The following TMEM117 variants were observed in gnomAD, a reference collection of about 807,000 sequenced individuals.
TMEM117 encodes the protein transmembrane protein 117.
TMEM117 carries 27 observed loss-of-function variants against 52.4 expected under a neutral mutation model. The observed-to-expected ratio is 0.51, with a 90% CI of 0.38 to 0.71. The LOEUF (loss-of-function observed/expected upper bound fraction) is 0.71. Ranked by LOEUF, TMEM117 falls within the 30% of genes least tolerant of loss-of-function variation. The pLI, the probability that TMEM117 is intolerant of heterozygous loss-of-function variation, is 0.00. For missense variants in TMEM117, 556 were observed against 630.5 expected (o/e 0.88, Z 1.26); for synonymous variants, 215 against 206.3 (o/e 1.04, Z -0.36).
intron 2 of TMEM117, among the ~76,000 whole-genome samples, chr12:43,874,426 C>A (rs1475835524): frequency 2.2e-4 from 31 of 143,950 alleles, no homozygotes; most frequent in Middle Eastern, 3.6e-3. Flanking sequence ...ACTAAAAGTA[C>A]AAAAAAAAAA....
chr12:44,029,521 C>T (rs368782309), intron 3 of TMEM117, among the ~76,000 whole-genome samples: 58 of 152,246 alleles, frequency 3.8e-4, no homozygotes, highest in South Asian at 1.2e-3. Context: ...AGTGGCTGCC[C>T]GAACTTTTCA....
chr12:44,069,095 G>T (rs994276132), intron 3 of TMEM117, among the ~76,000 whole-genome samples: 4 of 152,112 alleles, frequency 2.6e-5, no homozygotes, highest in South Asian at 4.1e-4. Context: ...TTTAGGTGAT[G>T]ACTGACTATG....
chr12:44,202,420 C>T (rs1207340460), intron 4 of TMEM117, among the ~76,000 whole-genome samples: 2 of 152,036 alleles, frequency 1.3e-5, no homozygotes, highest in African/African-American at 4.8e-5. Flanking sequence ...TAATTCTGTT[C>T]ATGTGATCCA....
At position 43,912,509 on chromosome 12, in the gene TMEM117, A is replaced by T. The variant is rs28734082; in HGVS notation, c.278-31701A>T. On this transcript the variant is annotated intron_variant, in intron 2 of 7. Coordinates refer to ENST00000266534, the MANE Select transcript of TMEM117 (RefSeq NM_032256.3). ...ACTTAAAGTATAATAATAATAATTT[A>T]TATATATATATATATATATATATAT... is the stretch of plus-strand genomic sequence containing the variant. Among the ~76,000 whole-genome samples the T allele has an allele frequency of 6.6e-3, 89 of 13,506 alleles. 2 individuals are homozygous for T. The East Asian group carries it at 0.13, about 20-fold the overall frequency. 8.9% of individuals were successfully genotyped at this position (13,506 alleles called of 152,430 possible).
intron 4 of TMEM117, among the ~76,000 whole-genome samples, chr12:44,207,522 C>T (rs548484011): frequency 6.6e-6 from 1 of 152,212 alleles, no homozygotes; most frequent in South Asian, 2.1e-4. Flanking sequence ...CAATTATAGA[C>T]TGTATCATAG....
At chr12:44,250,601 A>G (rs1378779385) in intron 5 of TMEM117, among the ~76,000 whole-genome samples, 1 of 152,230 alleles carries the variant, frequency 6.6e-6, no homozygotes, top group African/African-American at 2.4e-5. Context: ...ATGCCCATCA[A>G]TGATAGACTG....
downstream of TMEM117, among the ~76,000 whole-genome samples, chr12:44,394,312 G>A (rs886489952): frequency 6.6e-6 from 1 of 152,208 alleles, no homozygotes; most frequent in Non-Finnish European, 1.5e-5. Flanking sequence ...GCTGCAACAA[G>A]TCATGCAGAT....
At chr12:44,183,406 G>C (rs1395988997) in intron 4 of TMEM117, among the ~76,000 whole-genome samples, 1 of 152,004 alleles carries the variant, frequency 6.6e-6, no homozygotes, top group African/African-American at 2.4e-5. Flanking sequence ...CATGAAGCTG[G>C]GTGTGATTAA....
intron 4 of TMEM117, among the ~76,000 whole-genome samples, chr12:44,144,958 C>A (rs1948621708): frequency 6.6e-6 from 1 of 152,076 alleles, no homozygotes. Flanking sequence ...GAGATCGAGA[C>A]CATCCTGGCT....
At chr12:43,869,882 C>T (rs1943673217) in intron 2 of TMEM117, among the ~76,000 whole-genome samples, 1 of 152,268 alleles carries the variant, frequency 6.6e-6, no homozygotes, top group South Asian at 2.1e-4. Flanking sequence ...GCCCAGCATC[C>T]ATTAACTTTT....
chr12:43,934,122 C>T lies in TMEM117; in HGVS notation c.278-10088C>T, dbSNP rs188715317. 2.9e-4 allele frequency among the ~76,000 whole-genome samples: 36 copies of T among 123,576 alleles called. No homozygotes were observed. The East Asian group carries it at 6.8e-3, about 23-fold the overall frequency. 81.1% of individuals were successfully genotyped at this position (123,576 alleles called of 152,430 possible). A position where few individuals can be genotyped will look rare whatever the true frequency, so the allele number is the denominator to read the frequency against. ...AGTAAAATATAGGCCAAATTGATTC[C>T]GTCAAAATTAGAGAACATAATATAT... On this transcript the variant is annotated intron_variant, in intron 2 of 7. Coordinates refer to ENST00000266534, the MANE Select transcript of TMEM117 (RefSeq NM_032256.3).
At chr12:43,986,735 A>G (rs964383387) in intron 3 of TMEM117, among the ~76,000 whole-genome samples, 9 of 152,044 alleles carry the variant, frequency 5.9e-5, no homozygotes, top group East Asian at 1.9e-4. Context: ...ATCTCATCCT[A>G]TTCTCAGTTT....
intron 2 of TMEM117, among the ~76,000 whole-genome samples, chr12:43,886,433 A>G (rs1943995795): frequency 6.6e-6 from 1 of 152,200 alleles, no homozygotes; most frequent in African/African-American, 2.4e-5. Flanking sequence ...TTAAGATTTT[A>G]TAAAAGATAT....
At chr12:43,877,000 A>G (rs1213917651) in intron 2 of TMEM117, among the ~76,000 whole-genome samples, 2 of 152,150 alleles carry the variant, frequency 1.3e-5, no homozygotes, top group Non-Finnish European at 2.9e-5. Context: ...TATAAACCCA[A>G]TTTTAATGTC....
chr12:44,292,805 A>G (rs1418709261), intron 5 of TMEM117, among the ~76,000 whole-genome samples: 5 of 151,984 alleles, frequency 3.3e-5, no homozygotes, highest in African/African-American at 4.8e-5. Flanking sequence ...GTTTCATACT[A>G]TTGTGGTCAG....
Position 43,921,686 on chromosome 12 carries a change from G to A in TMEM117, c.278-22524G>A, listed in dbSNP as rs190499518. Reference sequence around the variant, plus strand: ...ACTGTTAATCACATTTTGTTTTAATGCTATTTACCTTTTCGTTTCTATGTA... The same window carrying A: ...ACTGTTAATCACATTTTGTTTTAATACTATTTACCTTTTCGTTTCTATGTA... On this transcript the variant is annotated intron_variant, in intron 2 of 7. Coordinates refer to ENST00000266534, the MANE Select transcript of TMEM117 (RefSeq NM_032256.3). 1.3e-3 allele frequency among the ~76,000 whole-genome samples: 191 copies of A among 152,082 alleles called. 1 individual carries two copies. The highest frequency in any genetic ancestry group is 4.4e-3 in the African/African-American group (183 of 41,506).
intron 6 of TMEM117, among the ~76,000 whole-genome samples, chr12:44,332,322 C>A (rs879040806): frequency 6.6e-6 from 1 of 152,050 alleles, no homozygotes; most frequent in Non-Finnish European, 1.5e-5. Context: ...TCACTTCTTA[C>A]TAGAAGGTGG....
the TMEM117 span, among the ~76,000 whole-genome samples, chr12:44,398,224 G>T: frequency 5.9e-5 from 9 of 152,148 alleles, no homozygotes; most frequent in African/African-American, 1.9e-4. Flanking sequence ...TCCACTGCAG[G>T]TTCCTCTGTT....
chr12:43,968,445 T>C (rs1945521047), intron 3 of TMEM117, among the ~76,000 whole-genome samples: 1 of 152,230 alleles, frequency 6.6e-6, no homozygotes, highest in African/African-American at 2.4e-5. Flanking sequence ...AAGGAGTTCA[T>C]CAAATTTCTT....
Sources: gnomAD v4.1 joint callset for allele counts (sites outside exome capture counted in the v4.1 genomes callset) on GRCh38, gnomAD v4.1.1 for gene constraint, MANE v1.5 for transcripts, NCBI Gene and HGNC (gene_info 2026-07-23, HGNC 2026-07-21) for gene names.